Variants in SAMD12 observed in about 807,000 individuals in gnomAD.
SAMD12 encodes sterile alpha motif domain-containing protein 12.
A neutral mutation model predicts 15.0 loss-of-function variants in SAMD12; 9 were observed. The ratio of observed to expected loss-of-function variants is 0.60; its 90% CI spans 0.36 to 1.05. SAMD12 has a LOEUF of 1.05. SAMD12 is among the 50% of genes least tolerant of loss of function. The pLI is 0.01. For missense variants in SAMD12, 230 were observed against 234.2 expected, an observed-to-expected ratio of 0.98 and a Z score of 0.12; for synonymous variants, 86 against 90.1, an observed-to-expected ratio of 0.96 and a Z score of 0.25.
intron 3 of SAMD12, among the ~76,000 whole-genome samples, chr8:118,396,136 C>T (rs1051233845): frequency 6.6e-6 from 1 of 151,990 alleles, no homozygotes; most frequent in African/African-American, 2.4e-5. Context: ...AGTAAAGAGA[C>T]CTGAACTTGG....
chr8:118,480,805 G>A lies in SAMD12; in HGVS notation c.193-40844C>T, dbSNP rs538847600. On this transcript the variant is annotated intron_variant, in intron 2 of 3. Transcript: ENST00000314727. ...CCTCACCTCTGGACTTGGCTCCAGC[G>A]GCACTGGCATCTCCAGTTCCCTGAA... 5.9e-5 allele frequency among the ~76,000 whole-genome samples: 9 copies of A among 152,164 alleles called. No individual in the cohort carries two copies. The South Asian group carries it at 1.7e-3, about 28-fold the overall frequency.
At chr8:118,362,255 T>C (rs974862315) in intron 4 of SAMD12, among the ~76,000 whole-genome samples, 30 of 152,188 alleles carry the variant, frequency 2.0e-4, no homozygotes, top group Non-Finnish European at 4.3e-4. Flanking sequence ...CAAATCCTGA[T>C]AGACCAAAAT....
chr8:118,356,702 T>C (rs971502192), intron 4 of SAMD12, among the ~76,000 whole-genome samples: 3 of 152,186 alleles, frequency 2.0e-5, no homozygotes, highest in Non-Finnish European at 4.4e-5. Flanking sequence ...TACTCAGACA[T>C]CTAACTGCTT....
chr8:118,404,805 C>G (rs1332936737), intron 3 of SAMD12, among the ~76,000 whole-genome samples: 1 of 151,930 alleles, frequency 6.6e-6, no homozygotes, highest in African/African-American at 2.4e-5. Context: ...ACTTTTTTTT[C>G]TACTTGTAAT....
At chr8:118,238,434 T>C (rs1812482953) in intron 4 of SAMD12, among the ~76,000 whole-genome samples, 1 of 152,102 alleles carries the variant, frequency 6.6e-6, no homozygotes, top group Non-Finnish European at 1.5e-5. Flanking sequence ...TTTCCTCCTA[T>C]TATGTGGATA....
chr8:118,611,040 C>A (rs1828097387), intron 1 of SAMD12, among the ~76,000 whole-genome samples: 2 of 152,156 alleles, frequency 1.3e-5, no homozygotes, highest in African/African-American at 4.8e-5. Context: ...TCAAGTGCCC[C>A]AGGAGAATTT....
chr8:118,138,967 G>A, the SAMD12 span, among the ~76,000 whole-genome samples: 6 of 152,142 alleles, frequency 3.9e-5, no homozygotes, highest in Non-Finnish European at 7.3e-5. Flanking sequence ...TCTCATTAGC[G>A]TACAACTCAT....
intron 4 of SAMD12, among the ~76,000 whole-genome samples, chr8:118,289,737 T>G (rs1008194812): frequency 1.3e-5 from 2 of 152,224 alleles, no homozygotes; most frequent in Non-Finnish European, 1.5e-5. Context: ...TGATGCCAAC[T>G]GCATTCTCCC....
downstream of SAMD12, among the ~76,000 whole-genome samples, chr8:118,189,248 C>T (rs1819296452): frequency 6.6e-6 from 1 of 152,106 alleles, no homozygotes; most frequent in African/African-American, 2.4e-5. Flanking sequence ...GGGAGGCCAT[C>T]AATTCATTTC....
chr8:118,445,142 A>G (rs1246146952), intron 2 of SAMD12, among the ~76,000 whole-genome samples: 1 of 152,160 alleles, frequency 6.6e-6, no homozygotes, highest in Non-Finnish European at 1.5e-5. Flanking sequence ...TCAAGATTAC[A>G]GAGAGAGAAA....
At chr8:118,166,520 A>G in the SAMD12 span, among the ~76,000 whole-genome samples, 1 of 152,238 alleles carries the variant, frequency 6.6e-6, no homozygotes, top group Non-Finnish European at 1.5e-5. Context: ...GTCACAAAAA[A>G]TTAATGCTTT....
chr8:118,386,606 T>C (rs1414166603), intron 3 of SAMD12, among the ~76,000 whole-genome samples: 2 of 152,206 alleles, frequency 1.3e-5, no homozygotes, highest in Admixed American at 6.5e-5. Context: ...ACAGGGTTCA[T>C]TGTGCTCCTC....
chr8:118,134,435 T>C, the SAMD12 span, among the ~76,000 whole-genome samples: 1 of 152,198 alleles, frequency 6.6e-6, no homozygotes, highest in Non-Finnish European at 1.5e-5. Context: ...AAATAGTTTA[T>C]AGGAGCAAGA....
intron 2 of SAMD12, among the ~76,000 whole-genome samples, chr8:118,528,861 G>A (rs1473060072): frequency 1.3e-5 from 2 of 152,160 alleles, no homozygotes; most frequent in Non-Finnish European, 2.9e-5. Context: ...TTTCTGTTCA[G>A]AGACAATTTT....
chr8:118,185,541 C>A (rs1819228722), downstream of SAMD12, among the ~76,000 whole-genome samples: 1 of 152,212 alleles, frequency 6.6e-6, no homozygotes, highest in African/African-American at 2.4e-5. Flanking sequence ...CAGCTCCATC[C>A]AAGTTGCTGC....
At chr8:118,559,262 T>C (rs893886886) in intron 2 of SAMD12, among the ~76,000 whole-genome samples, 1 of 152,186 alleles carries the variant, frequency 6.6e-6, no homozygotes, top group Non-Finnish European at 1.5e-5. Context: ...TACTTTTGCT[T>C]TCCTGTACTC....
intron 4 of SAMD12, among the ~76,000 whole-genome samples, chr8:118,295,903 C>T (rs979432718): frequency 1.3e-5 from 2 of 152,054 alleles, no homozygotes; most frequent in Non-Finnish European, 1.5e-5. Context: ...TCTTGGCCTC[C>T]CAAAGCGCTG....
At chr8:118,352,765 C>T (rs888184468) in intron 4 of SAMD12, among the ~76,000 whole-genome samples, 9 of 152,228 alleles carry the variant, frequency 5.9e-5, no homozygotes, top group Middle Eastern at 3.4e-3. Flanking sequence ...TGACTTGTCT[C>T]GTTTTTAATG....
At chr8:118,278,858 G>A (rs1443244315) in intron 4 of SAMD12, among the ~76,000 whole-genome samples, 1 of 152,166 alleles carries the variant, frequency 6.6e-6, no homozygotes, top group East Asian at 1.9e-4. Context: ...TCCATTACAC[G>A]TAGCCATGCG....
Sources: allele counts gnomAD v4.1 joint callset (sites outside exome capture counted in the v4.1 genomes callset), GRCh38; gene constraint gnomAD v4.1.1; transcripts MANE v1.5; gene names NCBI Gene and HGNC (gene_info 2026-07-23, HGNC 2026-07-21).